Variants in FNDC3B observed in about 807,000 individuals in gnomAD.
FNDC3B encodes the protein fibronectin type III domain containing 3B.
FNDC3B carries 12 observed loss-of-function variants against 151.5 expected under a neutral mutation model. The ratio of observed to expected loss-of-function variants is 0.08; its 90% CI spans 0.05 to 0.13. The LOEUF is 0.13. Ranked by LOEUF, FNDC3B falls within the 10% of genes least tolerant of loss-of-function variation. FNDC3B has a pLI of 1.00. For synonymous variants in FNDC3B, 528 were observed against 549.0 expected, an observed-to-expected ratio of 0.96 and a Z score of 0.54; for missense variants, 1,214 against 1,505.3, an observed-to-expected ratio of 0.81 and a Z score of 3.20.
At chr3:172,263,227 T>C (rs1207731587) in intron 6 of FNDC3B, among the ~76,000 whole-genome samples, 1 of 152,044 alleles carries the variant, frequency 6.6e-6, no homozygotes, top group Admixed American at 6.5e-5. Flanking sequence ...AAATTTTTTT[T>C]CATAAATGCA....
intron 3 of FNDC3B, among the ~76,000 whole-genome samples, chr3:172,171,879 C>T (rs1723302879): frequency 6.6e-6 from 1 of 151,894 alleles, no homozygotes; most frequent in African/African-American, 2.4e-5. Flanking sequence ...TGTACTTTAG[C>T]ACCACTGTCC....
At chr3:172,073,051 C>A (rs1399511327) in intron 1 of FNDC3B, among the ~76,000 whole-genome samples, 1 of 152,162 alleles carries the variant, frequency 6.6e-6, no homozygotes, top group African/African-American at 2.4e-5. Flanking sequence ...GGTATTGGAC[C>A]ATAGCCACCC....
chr3:172,310,328 C>G (rs551498270), intron 10 of FNDC3B, among the ~76,000 whole-genome samples: 1 of 152,090 alleles, frequency 6.6e-6, no homozygotes, highest in African/African-American at 2.4e-5. Context: ...CACATTTTTT[C>G]CCCATTTTTT....
chr3:172,241,258 A>G (rs1576830237), intron 4 of FNDC3B, among the ~76,000 whole-genome samples: 1 of 152,228 alleles, frequency 6.6e-6, no homozygotes, highest in South Asian at 2.1e-4. Flanking sequence ...TAGGGCTACC[A>G]TAACAGAATA....
At chr3:172,381,673 A>G (rs1160856527) in intron 25 of FNDC3B, among the ~76,000 whole-genome samples, 1 of 110,314 alleles carries the variant, frequency 9.1e-6, no homozygotes, top group Non-Finnish European at 1.7e-5. Context: ...CCCTGTGCCC[A>G]TATGTTCTCA....
At chr3:172,326,692 T>G (rs1732362539) in intron 11 of FNDC3B, among the ~76,000 whole-genome samples, 1 of 152,242 alleles carries the variant, frequency 6.6e-6, no homozygotes, top group Non-Finnish European at 1.5e-5. Flanking sequence ...GTGAGTGCTC[T>G]GGCTCTCTTA....
At chr3:172,254,894 C>T (rs1173164791) in intron 6 of FNDC3B, among the ~76,000 whole-genome samples, 1 of 152,178 alleles carries the variant, frequency 6.6e-6, no homozygotes. Flanking sequence ...TTAGTTTTCC[C>T]TGAATTTCCA....
At chr3:172,121,252 G>A (rs149641388) in intron 2 of FNDC3B, among the ~76,000 whole-genome samples, 1 of 152,182 alleles carries the variant, frequency 6.6e-6, no homozygotes, top group African/African-American at 2.4e-5. Flanking sequence ...TCAGGCATGT[G>A]CATTGTGTAT....
At chr3:172,241,346 C>T (rs1282646756) in intron 4 of FNDC3B, among the ~76,000 whole-genome samples, 1 of 152,156 alleles carries the variant, frequency 6.6e-6, no homozygotes, top group Admixed American at 6.5e-5. Flanking sequence ...ATCAAGGTGT[C>T]AGCAGGATTA....
chr3:172,347,146 A>C (rs1182952705), intron 20 of FNDC3B, 66 bp from the exon 21 acceptor site: 1 of 1,412,888 alleles, frequency 7.1e-7, no homozygotes, highest in Non-Finnish European at 9.6e-7. Flanking sequence ...TAGTTAATTG[A>C]ATACAAGCAC....
At chr3:172,076,959 TAAAC>T (rs991873564) in intron 1 of FNDC3B, among the ~76,000 whole-genome samples, 3 of 152,120 alleles carry the variant, frequency 2.0e-5, no homozygotes, top group East Asian at 1.9e-4. Context: ...ATGAACAAAA[TAAAC>T]AAAAGATATG....
chr3:172,199,241 G>A (rs929996955), intron 3 of FNDC3B, among the ~76,000 whole-genome samples: 15 of 150,404 alleles, frequency 1.0e-4, no homozygotes, highest in Non-Finnish European at 1.6e-4. Flanking sequence ...GTGCAGTGGC[G>A]CGATCTCGGC....
chr3:172,364,473 G>C (rs968310590), intron 23 of FNDC3B, among the ~76,000 whole-genome samples: 46 of 152,196 alleles, frequency 3.0e-4, no homozygotes, highest in African/African-American at 9.4e-4. Context: ...AATTCCCCGT[G>C]CCCTGCCTCC....
chr3:172,102,369 C>CA (rs903726491), intron 1 of FNDC3B, among the ~76,000 whole-genome samples: 8 of 152,266 alleles, frequency 5.3e-5, no homozygotes, highest in African/African-American at 1.9e-4. Flanking sequence ...TTCCAGAAAG[C>CA]AATCAGTTGT....
At chr3:172,335,889 A>T (rs1732939613) in intron 15 of FNDC3B, 1 of 152,164 alleles carries the variant, frequency 6.6e-6, no homozygotes, top group Admixed American at 6.5e-5. Flanking sequence ...TACACCAACC[A>T]CTGAGACATA....
intron 1 of FNDC3B, among the ~76,000 whole-genome samples, chr3:172,089,951 ATC>A (rs1718729823): frequency 6.6e-6 from 1 of 152,210 alleles, no homozygotes; most frequent in African/African-American, 2.4e-5. Context: ...ATTCATTTGT[ATC>A]AGTGTTTTGG....
intron 12 of FNDC3B, chr3:172,330,314 A>G (rs1376129940): frequency 4.5e-6 from 2 of 443,828 alleles, no homozygotes; most frequent in Non-Finnish European, 8.0e-6. Flanking sequence ...GGCCAACTGT[A>G]TATTGTCCTG....
chr3:172,174,944 C>CGCCCCCG (rs1553769247), intron 3 of FNDC3B, among the ~76,000 whole-genome samples: 1 of 50,654 alleles, frequency 2.0e-5, no homozygotes, highest in Admixed American at 1.8e-4. Context: ...CCCCCCCCCC[C>CGCCCCCG]CCAATACAAT....
intron 25 of FNDC3B, among the ~76,000 whole-genome samples, chr3:172,382,962 G>A (rs531077693): frequency 5.3e-5 from 8 of 152,010 alleles, no homozygotes; most frequent in Admixed American, 5.2e-4. Flanking sequence ...CTCTTTTTTG[G>A]TTCCATATGA....
Sources: gnomAD v4.1 joint callset for allele counts (sites outside exome capture counted in the v4.1 genomes callset) on GRCh38, gnomAD v4.1.1 for gene constraint, MANE v1.5 for transcripts, NCBI Gene and HGNC (gene_info 2026-07-23, HGNC 2026-07-21) for gene names.